PCDHA11: variants seen among roughly 807,000 people sequenced by gnomAD.
The protein encoded by PCDHA11 is protocadherin alpha 11, also known as protocadherin alpha-11.
A neutral mutation model predicts 70.3 loss-of-function variants in PCDHA11; 61 were observed. The ratio of observed to expected loss-of-function variants is 0.87; its 90% CI spans 0.71 to 1.07. PCDHA11 has a LOEUF of 1.07. PCDHA11 is among the 50% of genes least tolerant of loss of function. The pLI is 0.00. For synonymous variants in PCDHA11, 633 were observed against 555.1 expected, an observed-to-expected ratio of 1.14 and a Z score of -1.97; for missense variants, 1,324 against 1,237.5, an observed-to-expected ratio of 1.07 and a Z score of -1.05.
At chr5:140,937,316 C>T (rs1355509287) in intron 1 of PCDHA11, among the ~76,000 whole-genome samples, 7 of 152,044 alleles carry the variant, frequency 4.6e-5, no homozygotes, top group Admixed American at 3.9e-4. Context: ...GGATTACAGG[C>T]GTGAGCCACC....
At chr5:140,987,592 G>T (rs150671243) in intron 3 of PCDHA11, among the ~76,000 whole-genome samples, 2 of 152,172 alleles carry the variant, frequency 1.3e-5, no homozygotes, top group African/African-American at 4.8e-5. Flanking sequence ...GAGAATAGTG[G>T]TGTCTACCTT....
intron 1 of PCDHA11, among the ~76,000 whole-genome samples, chr5:140,906,729 G>T (rs1444256364): frequency 1.3e-5 from 2 of 152,184 alleles, no homozygotes; most frequent in Admixed American, 1.3e-4. Flanking sequence ...TGCTGTTGTA[G>T]TTTCCCATTG....
At chr5:140,935,894 C>CT (rs55841305) in intron 1 of PCDHA11, among the ~76,000 whole-genome samples, 11,084 of 136,696 alleles carry the variant, frequency 0.081, 520 homozygotes, top group Middle Eastern at 0.14. Context: ...TCAATATTAT[C>CT]TTTTTTTTTT....
chr5:140,920,745 G>T (rs2079798907), intron 1 of PCDHA11, among the ~76,000 whole-genome samples: 1 of 151,878 alleles, frequency 6.6e-6, no homozygotes, highest in Admixed American at 6.6e-5. Flanking sequence ...TCAGGAGGCT[G>T]AGGCAGGAGA....
intron 1 of PCDHA11, among the ~76,000 whole-genome samples, chr5:140,874,852 A>C (rs2153316930): frequency 6.6e-6 from 1 of 152,334 alleles, no homozygotes; most frequent in African/African-American, 2.4e-5. Context: ...GACATATTTT[A>C]GTTTCTTATC....
At chr5:140,980,555 G>A (rs1050580342) in intron 2 of PCDHA11, among the ~76,000 whole-genome samples, 1 of 152,068 alleles carries the variant, frequency 6.6e-6, no homozygotes, top group Non-Finnish European at 1.5e-5. Flanking sequence ...GCTTGAACCC[G>A]GGAGGCGGAA....
intron 1 of PCDHA11, among the ~76,000 whole-genome samples, chr5:140,899,745 A>G: frequency 6.6e-6 from 1 of 152,214 alleles, no homozygotes; most frequent in Non-Finnish European, 1.5e-5. Flanking sequence ...GAATAGTTTC[A>G]GAAGGAATGG....
At chr5:140,968,190 C>A (rs782155295) in intron 1 of PCDHA11, 2 of 1,613,954 alleles carry the variant, frequency 1.2e-6, no homozygotes, top group African/African-American at 2.7e-5. Flanking sequence ...GACTCCTATT[C>A]CATCTACATA....
At chr5:140,941,634 T>G (rs2093133728) in intron 1 of PCDHA11, among the ~76,000 whole-genome samples, 1 of 152,074 alleles carries the variant, frequency 6.6e-6, no homozygotes, top group South Asian at 2.1e-4. Context: ...TCTTAATTTC[T>G]GTCTTCCTAC....
At chr5:140,924,903 AAATAAAATAAAATAAAAT>A (rs2082154741) in intron 1 of PCDHA11, among the ~76,000 whole-genome samples, 1 of 54,856 alleles carries the variant, frequency 1.8e-5, no homozygotes, top group Non-Finnish European at 3.6e-5. Flanking sequence ...TCAAAAAAAA[AAATAAAATAAAATAAAAT>A]AAAATAAAAT....
chr5:140,877,994 G>A lies in PCDHA11; in HGVS notation c.2391+6500G>A, dbSNP rs1349448705. On this transcript the variant is annotated intron_variant, in intron 1 of 3. Coordinates refer to ENST00000398640, the MANE Select transcript of PCDHA11 (RefSeq NM_018902.5). Reference sequence around the variant, plus strand: ...ATTCTTACTCATTTTGAACTTTTATGTATTTGTCTAACATTAATGAAGGAA... The same window carrying A: ...ATTCTTACTCATTTTGAACTTTTATATATTTGTCTAACATTAATGAAGGAA... The A allele has an allele frequency of 8.3e-6, 9 of 1,078,340 alleles. No homozygotes were observed. The Admixed American group carries it at 1.0e-4, about 12-fold the overall frequency. 66.8% of individuals were successfully genotyped at this position (1,078,340 alleles called of 1,614,324 possible). A position where few individuals can be genotyped will look rare whatever the true frequency, so the allele number is the denominator to read the frequency against.
chr5:140,924,704 G>A (rs6883852), intron 1 of PCDHA11, among the ~76,000 whole-genome samples: 1 of 152,052 alleles, frequency 6.6e-6, no homozygotes, highest in Non-Finnish European at 1.5e-5. Flanking sequence ...AGACCAGCTT[G>A]TGCAACATGG....
chr5:140,881,909 G>A (rs941994896), intron 1 of PCDHA11: 2 of 230,500 alleles, frequency 8.7e-6, no homozygotes, highest in Non-Finnish European at 1.7e-5. Context: ...AATATAAAAT[G>A]TTGAGCAGAA....
At chr5:140,947,010 A>C (rs924112965) in intron 1 of PCDHA11, among the ~76,000 whole-genome samples, 7 of 151,752 alleles carry the variant, frequency 4.6e-5, no homozygotes, top group African/African-American at 1.4e-4. Flanking sequence ...AGAAATGATA[A>C]ATGTTTGAGG....
intron 3 of PCDHA11, among the ~76,000 whole-genome samples, chr5:140,997,500 C>T (rs567570276): frequency 5.3e-4 from 80 of 152,250 alleles, no homozygotes; most frequent in South Asian, 3.9e-3. Context: ...TGTATCTCAA[C>T]ATACCTAAAC....
chr5:140,953,283 G>A (rs1377100708), intron 1 of PCDHA11, among the ~76,000 whole-genome samples: 5 of 152,132 alleles, frequency 3.3e-5, no homozygotes, highest in Non-Finnish European at 7.3e-5. Flanking sequence ...CTCTTTATAT[G>A]TGATTCAGGG....
rs375481139 is a variant in PCDHA11 at position 140,894,977 on chromosome 5, C to T, written c.2391+23483C>T. ...AAAAATATAATTTTTTAATGTCTTA[C>T]TTTGTGACATCCTTTACCCTTTTTA... On this transcript the variant is annotated intron_variant, in intron 1 of 3. Coordinates refer to ENST00000398640, the MANE Select transcript of PCDHA11 (RefSeq NM_018902.5). Among the ~76,000 whole-genome samples the T allele has an allele frequency of 4.5e-4, 69 of 152,216 alleles. No homozygotes were observed. The South Asian group carries it at 0.014, about 30-fold the overall frequency.
intron 1 of PCDHA11, among the ~76,000 whole-genome samples, chr5:140,945,540 CA>C (rs1330025999): frequency 1.3e-5 from 2 of 151,706 alleles, no homozygotes; most frequent in African/African-American, 2.4e-5. Flanking sequence ...AACATACAAA[CA>C]AAAAAATGAA....
intron 1 of PCDHA11, chr5:140,877,193 G>C: frequency 6.2e-7 from 1 of 1,613,832 alleles, no homozygotes; most frequent in Non-Finnish European, 8.5e-7. Flanking sequence ...GGCAGCGCAG[G>C]AGGCGCAGTT....
Sources: gnomAD v4.1 joint callset for allele counts (sites outside exome capture counted in the v4.1 genomes callset) on GRCh38, gnomAD v4.1.1 for gene constraint, MANE v1.5 for transcripts, NCBI Gene and HGNC (gene_info 2026-07-23, HGNC 2026-07-21) for gene names.